The following SRPK2 variants were observed in gnomAD, a reference collection of about 807,000 sequenced individuals.
SRPK2 encodes the protein SFRS protein kinase 2.
Under a neutral mutation model 90.8 loss-of-function variants are expected in SRPK2, and 21 were observed. The observed-to-expected ratio is 0.23, with a 90% confidence interval of 0.16 to 0.33. SRPK2 has a LOEUF of 0.33. Among genes scored for constraint, SRPK2 ranks in the 10% least tolerant of loss-of-function variants. The pLI is 1.00. For synonymous variants in SRPK2, 288 were observed against 311.1 expected (o/e 0.93, Z 0.78); for missense variants, 620 against 869.0 (o/e 0.71, Z 3.60).
At chr7:105,262,267 A>C (rs765210798) in intron 2 of SRPK2, among the ~76,000 whole-genome samples, 34 of 152,318 alleles carry the variant, frequency 2.2e-4, no homozygotes, top group Non-Finnish European at 4.1e-4. Context: ...GGAAACTAAC[A>C]CTACACTTTT....
chr7:105,245,859 C>T (rs1350419118), intron 2 of SRPK2, among the ~76,000 whole-genome samples: 1 of 152,132 alleles, frequency 6.6e-6, no homozygotes, highest in Non-Finnish European at 1.5e-5. Flanking sequence ...GCCACAACTA[C>T]AGGCACACAT....
chr7:105,127,533 C>T (rs753961212), intron 13 of SRPK2, among the ~76,000 whole-genome samples: 2 of 152,244 alleles, frequency 1.3e-5, no homozygotes, highest in Non-Finnish European at 2.9e-5. Flanking sequence ...TTCAGTATCT[C>T]ATCAACCATT....
At chr7:105,253,911 AC>A (rs942411718) in intron 2 of SRPK2, among the ~76,000 whole-genome samples, 85 of 48,468 alleles carry the variant, frequency 1.8e-3, no homozygotes, top group Middle Eastern at 0.012. Context: ...AAACAAACAA[AC>A]AAAAAAAAAC....
intron 2 of SRPK2, among the ~76,000 whole-genome samples, chr7:105,288,564 A>T (rs1429959691): frequency 6.6e-6 from 1 of 152,188 alleles, no homozygotes; most frequent in African/African-American, 2.4e-5. Context: ...ATTGCACTCC[A>T]GCCCGAGCGA....
At chr7:105,230,162 A>C (rs1030168717) in intron 2 of SRPK2, among the ~76,000 whole-genome samples, 1 of 152,248 alleles carries the variant, frequency 6.6e-6, no homozygotes, top group African/African-American at 2.4e-5. Context: ...AAGAGGGCCC[A>C]AAACCACAGA....
intron 2 of SRPK2, among the ~76,000 whole-genome samples, chr7:105,249,908 C>CGTAA (rs1484564786): frequency 6.6e-6 from 1 of 152,174 alleles, no homozygotes; most frequent in Non-Finnish European, 1.5e-5. Flanking sequence ...TCTATTCTTA[C>CGTAA]GCATATGACC....
chr7:105,132,196 T>C (rs1261691504), intron 13 of SRPK2, among the ~76,000 whole-genome samples: 1 of 152,232 alleles, frequency 6.6e-6, no homozygotes, highest in Non-Finnish European at 1.5e-5. Context: ...GAGTGGGCGT[T>C]GCTGCCACTG....
intron 7 of SRPK2, among the ~76,000 whole-genome samples, chr7:105,151,246 G>C (rs948945533): frequency 1.3e-5 from 2 of 152,216 alleles, no homozygotes; most frequent in African/African-American, 4.8e-5. Context: ...CAACAGGGCA[G>C]CGTTAAAAAC....
intron 3 of SRPK2, among the ~76,000 whole-genome samples, chr7:105,194,573 A>G (rs191593397): frequency 6.6e-6 from 1 of 152,340 alleles, no homozygotes; most frequent in Admixed American, 6.5e-5. Context: ...CCACACCAAA[A>G]ACTACAAAAC....
intron 11 of SRPK2, among the ~76,000 whole-genome samples, chr7:105,134,700 G>C (rs374806202): frequency 2.9e-4 from 44 of 152,224 alleles, no homozygotes; most frequent in Non-Finnish European, 1.0e-4. Context: ...GCAACTTGCC[G>C]TAAGGCAGTG....
chr7:105,161,110 A>G (rs1807572577), intron 6 of SRPK2, among the ~76,000 whole-genome samples: 1 of 152,052 alleles, frequency 6.6e-6, no homozygotes, highest in Non-Finnish European at 1.5e-5. Flanking sequence ...TAATTTTAGT[A>G]GAGACAGGGT....
intron 2 of SRPK2, among the ~76,000 whole-genome samples, chr7:105,219,262 A>C: frequency 6.6e-6 from 1 of 152,142 alleles, no homozygotes; most frequent in East Asian, 1.9e-4. Flanking sequence ...GGGCTAAGAA[A>C]CAGTCTTTAT....
chr7:105,377,885 T>C (rs932283175), intron 2 of SRPK2, among the ~76,000 whole-genome samples: 2 of 152,170 alleles, frequency 1.3e-5, no homozygotes, highest in Admixed American at 6.6e-5. Flanking sequence ...CTAAGTCTAG[T>C]GGATTCTGGC....
chr7:105,143,463 A>T (rs1437800807), intron 9 of SRPK2, 133 bp from the exon 10 acceptor site: 1 of 1,142,126 alleles, frequency 8.8e-7, no homozygotes, highest in Non-Finnish European at 1.2e-6. Context: ...CCAAACCCAG[A>T]CAGATCCACT....
chr7:105,379,156 A>ATAT (rs750766068), intron 2 of SRPK2, among the ~76,000 whole-genome samples: 3 of 150,340 alleles, frequency 2.0e-5, no homozygotes, highest in South Asian at 2.1e-4. Context: ...TCTAAAAAAA[A>ATAT]ATATATATAT....
chr7:105,182,090 G>C (rs2129598928), intron 3 of SRPK2, among the ~76,000 whole-genome samples: 1 of 151,762 alleles, frequency 6.6e-6, no homozygotes, highest in East Asian at 1.9e-4. Flanking sequence ...AATTAGCCAA[G>C]CGTGGTGGCA....
Position 105,362,729 on chromosome 7 carries a change from A to C in SRPK2, c.71+25919T>G, listed in dbSNP as rs559857526. On this transcript the variant is annotated intron_variant, in intron 2 of 15. Transcript: ENST00000393651. Reference sequence around the variant, plus strand: ...CCAAAGGATTATAAATCATGCTGCTATAAAGACACATGTACATGTATGTTT... The same window carrying C: ...CCAAAGGATTATAAATCATGCTGCTCTAAAGACACATGTACATGTATGTTT... Among the ~76,000 whole-genome samples, 336 of 152,238 alleles carry C rather than the reference A, an allele frequency of 2.2e-3. 1 individual carries two copies. The highest frequency in any genetic ancestry group is 6.8e-3 in the Middle Eastern group (2 of 294).
intron 2 of SRPK2, among the ~76,000 whole-genome samples, chr7:105,280,153 C>T (rs774642645): frequency 1.3e-5 from 2 of 152,092 alleles, no homozygotes; most frequent in Non-Finnish European, 2.9e-5. Context: ...CAGTGGCTCA[C>T]GCCTGTACCC....
chr7:105,174,534 G>A (rs773589307), intron 3 of SRPK2, among the ~76,000 whole-genome samples: 6 of 152,052 alleles, frequency 3.9e-5, no homozygotes, highest in African/African-American at 9.7e-5. Flanking sequence ...ACTAGGGAAA[G>A]CTGAGAATCA....
Sources: allele counts gnomAD v4.1 joint callset (sites outside exome capture counted in the v4.1 genomes callset), GRCh38; gene constraint gnomAD v4.1.1; transcripts MANE v1.5; gene names NCBI Gene and HGNC (gene_info 2026-07-23, HGNC 2026-07-21).